The following CNTN3 variants were observed in gnomAD, a reference collection of about 807,000 sequenced individuals.
CNTN3 encodes contactin-3.
In CNTN3, 60 loss-of-function variants were observed where a neutral mutation model predicts 119.1. That is an observed-to-expected ratio of 0.50 (90% confidence interval 0.41 to 0.62). The LOEUF (loss-of-function observed/expected upper bound fraction) is 0.62, where lower values mean the gene tolerates loss of function less well. Ranked by LOEUF, CNTN3 falls within the 20% of genes least tolerant of loss-of-function variation. The pLI is 0.00. For synonymous variants in CNTN3, 450 were observed against 438.7 expected (o/e 1.03, Z -0.32); for missense variants, 1,101 against 1,242.4 (o/e 0.89, Z 1.71).
intron 11 of CNTN3, among the ~76,000 whole-genome samples, chr3:74,346,795 A>C (rs1174518073): frequency 6.6e-6 from 1 of 151,836 alleles, no homozygotes; most frequent in Non-Finnish European, 1.5e-5. Context: ...CCATCCATGC[A>C]TCCACTCACC....
intron 5 of CNTN3, among the ~76,000 whole-genome samples, chr3:74,416,845 G>A (rs10779999): frequency 0.6 from 90,926 of 151,826 alleles, 30,007 homozygotes; most frequent in East Asian, 0.79. Flanking sequence ...AAAATTAGCC[G>A]GGCATGGTGG....
At chr3:74,519,861 C>CA (rs1169293092) in intron 2 of CNTN3, among the ~76,000 whole-genome samples, 1 of 151,474 alleles carries the variant, frequency 6.6e-6, no homozygotes, top group East Asian at 1.9e-4. Context: ...GTAAAAACTA[C>CA]AAAAAACCTC....
intron 5 of CNTN3, among the ~76,000 whole-genome samples, chr3:74,417,684 T>C (rs953939101): frequency 1.3e-5 from 2 of 152,200 alleles, no homozygotes; most frequent in African/African-American, 4.8e-5. Flanking sequence ...AACTACAAAA[T>C]GGTCTATAGA....
At chr3:74,403,478 G>A (rs1411278399) in intron 5 of CNTN3, among the ~76,000 whole-genome samples, 1 of 152,072 alleles carries the variant, frequency 6.6e-6, no homozygotes, top group Non-Finnish European at 1.5e-5. Context: ...ACTCAGACTC[G>A]ACCCAGAAAC....
intron 3 of CNTN3, among the ~76,000 whole-genome samples, chr3:74,496,563 T>C (rs75216157): frequency 0.085 from 12,889 of 152,112 alleles, 664 homozygotes; most frequent in East Asian, 0.24. Context: ...GTGGCCCCTT[T>C]AAATGGCATC....
intron 5 of CNTN3, among the ~76,000 whole-genome samples, chr3:74,419,258 T>G (rs991390942): frequency 1.3e-5 from 2 of 152,174 alleles, no homozygotes; most frequent in Non-Finnish European, 2.9e-5. Context: ...GTCATGTGTC[T>G]CCCTGCCTTG....
chr3:74,474,680 C>T (rs952061327), intron 4 of CNTN3, among the ~76,000 whole-genome samples: 1 of 152,002 alleles, frequency 6.6e-6, no homozygotes, highest in Non-Finnish European at 1.5e-5. Flanking sequence ...TTAGAAAGAG[C>T]AAGCTGATTC....
chr3:74,604,649 G>A (rs982069412), intron 1 of CNTN3, among the ~76,000 whole-genome samples: 1 of 152,038 alleles, frequency 6.6e-6, no homozygotes, highest in African/African-American at 2.4e-5. Context: ...TTATCAAAAA[G>A]ACAAAAGGTA....
chr3:74,536,016 A>C (rs1422386184), intron 1 of CNTN3, among the ~76,000 whole-genome samples: 2 of 152,128 alleles, frequency 1.3e-5, no homozygotes, highest in Non-Finnish European at 2.9e-5. Flanking sequence ...TTCAGGAATA[A>C]AATTTTTTAA....
intron 13 of CNTN3, among the ~76,000 whole-genome samples, chr3:74,327,707 TG>T: frequency 1.3e-5 from 2 of 152,208 alleles, no homozygotes; most frequent in Non-Finnish European, 2.9e-5. Flanking sequence ...TTATTATTGG[TG>T]GAGGTGGAAA....
chr3:74,425,151 G>A lies in CNTN3; in HGVS notation c.359-211C>T, dbSNP rs373688432. Among the ~76,000 whole-genome samples, 25 of 152,242 alleles carry A rather than the reference G, an allele frequency of 1.6e-4. No individual in the cohort carries two copies. The East Asian group carries it at 3.7e-3, about 22-fold the overall frequency. ...TTATGTGGTTATACTGTGTAATGCTGAGGTTTGGGGTTTGGTTGATCTCAT... is the reference window on the plus strand; with the variant it reads ...TTATGTGGTTATACTGTGTAATGCTAAGGTTTGGGGTTTGGTTGATCTCAT... On this transcript the variant is annotated intron_variant, in intron 4 of 22. Coordinates refer to ENST00000263665, the MANE Select transcript of CNTN3 (RefSeq NM_020872.3).
chr3:74,486,515 C>T lies in CNTN3; in HGVS notation c.299G>A (p.Cys100Tyr), dbSNP rs1194785544. ...TGTTCCAAGTGAATTTGTTGCAAAA[C>T]ATTGGTAAGTTCCTGTATCCCAATT... ...NRNWDTGTYQ[C>Y]FATNSLGTIV... Residue 100 changes from cysteine (C) to tyrosine (Y), a missense_variant, in exon 4 of 23, where the codon TGT becomes TAT. Physicochemically the swap from Cys to Tyr is radical, Grantham distance 194 (BLOSUM62 -2). Transcript: ENST00000263665. 1 of 1,606,780 alleles carries T rather than the reference C, an allele frequency of 6.2e-7. No individual in the cohort carries two copies. The highest frequency in any genetic ancestry group is 8.5e-7 in the Non-Finnish European group (1 of 1,178,472).
intron 4 of CNTN3, among the ~76,000 whole-genome samples, chr3:74,469,335 C>T (rs74686696): frequency 0.01 from 1,537 of 152,202 alleles, 22 homozygotes; most frequent in African/African-American, 0.035. Flanking sequence ...AAATTGAAGA[C>T]AGCCCTTGTC....
chr3:74,317,294 T>G (rs1343067789), intron 13 of CNTN3, among the ~76,000 whole-genome samples: 3 of 151,072 alleles, frequency 2.0e-5, no homozygotes, highest in African/African-American at 7.3e-5. Context: ...TTTATCCAAC[T>G]TGCCAGTCTG....
intron 19 of CNTN3, among the ~76,000 whole-genome samples, chr3:74,293,051 GTC>G (rs1374781750): frequency 3.3e-5 from 5 of 152,182 alleles, no homozygotes; most frequent in Middle Eastern, 3.4e-3. Context: ...AGACTATTCT[GTC>G]TCTGATCAGG....
At chr3:74,512,692 C>CAAAAAAAAAACAA (rs1703388227) in intron 2 of CNTN3, among the ~76,000 whole-genome samples, 1 of 85,260 alleles carries the variant, frequency 1.2e-5, no homozygotes, top group Non-Finnish European at 2.1e-5. Flanking sequence ...CATAATCAAG[C>CAAAAAAAAAACAA]AAAAAAAAAA....
chr3:74,468,992 G>A (rs1414480712), intron 4 of CNTN3, among the ~76,000 whole-genome samples: 8 of 151,990 alleles, frequency 5.3e-5, no homozygotes, highest in Non-Finnish European at 8.8e-5. Flanking sequence ...TGTGATACTT[G>A]GGAAAATCTC....
At chr3:74,609,054 C>T (rs1172968203) in intron 1 of CNTN3, among the ~76,000 whole-genome samples, 2 of 152,014 alleles carry the variant, frequency 1.3e-5, no homozygotes, top group Non-Finnish European at 2.9e-5. Context: ...TGAGTCAACA[C>T]GGGAATAAGG....
chr3:74,509,800 T>G (rs28480517), intron 2 of CNTN3, among the ~76,000 whole-genome samples: 5 of 151,920 alleles, frequency 3.3e-5, no homozygotes, highest in African/African-American at 1.2e-4. Context: ...CTTTCATTCA[T>G]CCTCCCTCAT....
Sources: gnomAD v4.1 joint callset for allele counts (sites outside exome capture counted in the v4.1 genomes callset) on GRCh38, gnomAD v4.1.1 for gene constraint, MANE v1.5 for transcripts, NCBI Gene and HGNC (gene_info 2026-07-23, HGNC 2026-07-21) for gene names.